Variants in AUTS2 observed in about 807,000 individuals in gnomAD.
The protein encoded by AUTS2 is autism susceptibility gene 2 protein.
A neutral mutation model predicts 112.4 loss-of-function variants in AUTS2; 17 were observed. The observed-to-expected ratio is 0.15, with a 90% CI of 0.10 to 0.23. AUTS2 has a LOEUF of 0.23. Among genes scored for constraint, AUTS2 ranks in the 10% least tolerant of loss-of-function variants. The pLI is 1.00. For missense variants in AUTS2, 1,510 were observed against 1,701.6 expected, an observed-to-expected ratio of 0.89 and a Z score of 1.98; for synonymous variants, 751 against 702.7, an observed-to-expected ratio of 1.07 and a Z score of -1.09.
intron 2 of AUTS2, among the ~76,000 whole-genome samples, chr7:70,084,444 T>G (rs1303887467): frequency 1.3e-5 from 2 of 152,232 alleles, no homozygotes; most frequent in Non-Finnish European, 2.9e-5. Context: ...CTAAATGTTC[T>G]AAGAAACTGC....
intron 1 of AUTS2, among the ~76,000 whole-genome samples, chr7:69,787,514 A>G (rs1406736944): frequency 6.6e-6 from 1 of 152,134 alleles, no homozygotes; most frequent in Non-Finnish European, 1.5e-5. Context: ...AGTCAGGCAT[A>G]TTTTTGAATA....
At chr7:70,198,051 CTAA>C (rs1210234934) in intron 4 of AUTS2, among the ~76,000 whole-genome samples, 1 of 90,796 alleles carries the variant, frequency 1.1e-5, no homozygotes, top group African/African-American at 4.5e-5. Context: ...CCCGAGCAGC[CTAA>C]CTGGGAGGCA....
chr7:70,124,719 T>C (rs1207237843), intron 3 of AUTS2, among the ~76,000 whole-genome samples: 1 of 152,128 alleles, frequency 6.6e-6, no homozygotes, highest in African/African-American at 2.4e-5. Context: ...TGTGCCACCA[T>C]GCCCAGCTAA....
Position 70,460,819 on chromosome 7 carries a change from G to A in AUTS2, c.690+25038G>A, listed in dbSNP as rs146224836. ...TCTCAACCCTTTAGTATGCTTTAGT[G>A]TGAGAAAGCTTGTAAAAATGCCTGC... On this transcript the variant is annotated intron_variant, in intron 5 of 18. Transcript: ENST00000342771. Among the ~76,000 whole-genome samples, 197 of 152,278 alleles carry A rather than the reference G, an allele frequency of 1.3e-3. 2 individuals are homozygous for A. The highest frequency in any genetic ancestry group is 4.5e-3 in the African/African-American group (188 of 41,558).
At chr7:70,759,156 C>T (rs1428028194) in intron 6 of AUTS2, among the ~76,000 whole-genome samples, 1 of 152,184 alleles carries the variant, frequency 6.6e-6, no homozygotes, top group Admixed American at 6.5e-5. Context: ...TTATCATTAC[C>T]TGCTTTGCTT....
intron 4 of AUTS2, among the ~76,000 whole-genome samples, chr7:70,346,741 G>A (rs992084950): frequency 5.9e-5 from 9 of 152,076 alleles, no homozygotes; most frequent in Non-Finnish European, 1.0e-4. Context: ...ACCGAACTTT[G>A]TTAGGATGAA....
intron 4 of AUTS2, among the ~76,000 whole-genome samples, chr7:70,417,307 G>C (rs191316685): frequency 3.3e-4 from 51 of 152,280 alleles, no homozygotes; most frequent in African/African-American, 1.2e-3. Flanking sequence ...GTGACTATTC[G>C]CATCACAAAA....
chr7:70,120,087 G>C (rs1303683469), intron 3 of AUTS2: 1 of 151,936 alleles, frequency 6.6e-6, no homozygotes, highest in Non-Finnish European at 1.5e-5. Context: ...TAAACGGTTG[G>C]AGACCACTCT....
At chr7:70,341,645 A>G (rs559630401) in intron 4 of AUTS2, among the ~76,000 whole-genome samples, 1 of 152,250 alleles carries the variant, frequency 6.6e-6, no homozygotes, top group East Asian at 1.9e-4. Flanking sequence ...TTCTAGTGCA[A>G]TTAGCACGAA....
intron 4 of AUTS2, among the ~76,000 whole-genome samples, chr7:70,140,568 T>C (rs1806809342): frequency 6.6e-6 from 1 of 152,204 alleles, no homozygotes; most frequent in African/African-American, 2.4e-5. Flanking sequence ...CTTGCTGTGA[T>C]GCTAGGAAAG....
In AUTS2 at chr7:70,766,222, A is replaced by G; in HGVS notation, c.1577A>G (p.Gln526Arg). 1 of 1,613,778 alleles carries G rather than the reference A, an allele frequency of 6.2e-7. No individual in the cohort carries two copies. Among genetic ancestry groups the G allele is most frequent in the South Asian group, 1.1e-5 (1 of 91,052 alleles). ...CCCTACCTGCGGACCGAGTTCCATC[A>G]GCACCAGCACCAGCACCAGCACACC... ...PPPYLRTEFH[Q>R]HQHQHQHTHQ... The change falls in exon 9 of 19, where the codon CAG (glutamine) becomes CGG (arginine). Residue 526 changes from glutamine to arginine, a missense_variant. Physicochemically the swap from Gln to Arg is conservative, Grantham distance 43. Around this residue, in one of 3 missense-constraint regions of AUTS2, gnomAD observed 187 missense variants for 309.7 expected, o/e 0.60. Transcript: ENST00000342771. This position sits in a 1 kb window ranked among gnomAD's most constrained non-coding sequence, Gnocchi z 4.8.
At chr7:69,968,908 C>T (rs1359016419) in intron 2 of AUTS2, among the ~76,000 whole-genome samples, 1 of 151,540 alleles carries the variant, frequency 6.6e-6, no homozygotes, top group Non-Finnish European at 1.5e-5. Flanking sequence ...ATTACTCTTT[C>T]TTTACCCATG....
chr7:70,756,914 T>C (rs187814457), intron 6 of AUTS2, among the ~76,000 whole-genome samples: 21 of 152,336 alleles, frequency 1.4e-4, no homozygotes, highest in Non-Finnish European at 2.1e-4. Flanking sequence ...TGCACAAATG[T>C]CGGGTGGAAT....
At chr7:70,177,652 C>A (rs1392463580) in intron 4 of AUTS2, among the ~76,000 whole-genome samples, 1 of 152,120 alleles carries the variant, frequency 6.6e-6, no homozygotes, top group Non-Finnish European at 1.5e-5. Flanking sequence ...ACTTGACAAC[C>A]TAAATTCAGG....
chr7:70,101,045 T>G (rs1804461879), intron 2 of AUTS2, among the ~76,000 whole-genome samples: 1 of 151,936 alleles, frequency 6.6e-6, no homozygotes, highest in African/African-American at 2.4e-5. Context: ...ACCTGGCTAA[T>G]TTTTGTATTT....
intron 5 of AUTS2, among the ~76,000 whole-genome samples, chr7:70,483,842 G>C (rs1797883036): frequency 6.6e-6 from 1 of 151,942 alleles, no homozygotes; most frequent in African/African-American, 2.4e-5. Context: ...AAGTTCCCTT[G>C]ATAAGCAGCA....
intron 5 of AUTS2, among the ~76,000 whole-genome samples, chr7:70,666,374 A>G (rs1003280634): frequency 6.6e-6 from 1 of 152,230 alleles, no homozygotes; most frequent in Non-Finnish European, 1.5e-5. Context: ...GCAATGAGGA[A>G]TTCAAGGTGG....
At chr7:70,374,311 T>C (rs1392024400) in intron 4 of AUTS2, among the ~76,000 whole-genome samples, 1 of 152,224 alleles carries the variant, frequency 6.6e-6, no homozygotes, top group Non-Finnish European at 1.5e-5. Flanking sequence ...TTTTAAATTA[T>C]TGAATTTTTT....
chr7:70,086,731 G>C (rs2129566456), intron 2 of AUTS2, among the ~76,000 whole-genome samples: 1 of 151,104 alleles, frequency 6.6e-6, no homozygotes, highest in Non-Finnish European at 1.5e-5. Flanking sequence ...TTTTGAAGCT[G>C]TTGTAAATGG....
Sources: allele counts gnomAD v4.1 joint callset (sites outside exome capture counted in the v4.1 genomes callset), GRCh38; gene constraint gnomAD v4.1.1; regional missense constraint gnomAD v4.1.1; non-coding constraint Gnocchi (gnomAD v3.1); transcripts MANE v1.5; gene names NCBI Gene and HGNC (gene_info 2026-07-23, HGNC 2026-07-21).